The following MAMDC2 variants were observed in gnomAD, a reference collection of about 807,000 sequenced individuals.
MAMDC2 encodes the protein MAM domain containing 2, also known as MAM domain-containing protein 2.
In MAMDC2, 57 loss-of-function variants were observed where a neutral mutation model predicts 89.8. The observed-to-expected ratio is 0.63, with a 90% CI of 0.51 to 0.79. The LOEUF is 0.79. Among genes scored for constraint, MAMDC2 ranks in the 30% least tolerant of loss-of-function variants. The pLI is 0.00. For synonymous variants in MAMDC2, 313 were observed against 293.4 expected, an observed-to-expected ratio of 1.07 and a Z score of -0.68; for missense variants, 800 against 820.6, an observed-to-expected ratio of 0.97 and a Z score of 0.31.
intron 4 of MAMDC2, among the ~76,000 whole-genome samples, chr9:70,111,353 T>C (rs997135418): frequency 6.6e-6 from 1 of 152,256 alleles, no homozygotes; most frequent in African/African-American, 2.4e-5. Flanking sequence ...TGGTGACTTC[T>C]GATTTGTTTA....
chr9:70,095,910 A>G (rs1587465617), intron 2 of MAMDC2, among the ~76,000 whole-genome samples: 1 of 152,208 alleles, frequency 6.6e-6, no homozygotes, highest in Admixed American at 6.5e-5. Flanking sequence ...TCCCACTCAC[A>G]GTGATAATGT....
chr9:70,092,586 G>A (rs1489221113), intron 2 of MAMDC2: 1 of 152,172 alleles, frequency 6.6e-6, no homozygotes, highest in African/African-American at 2.4e-5. Context: ...CCATCCCTGA[G>A]TTCAGACATC....
chr9:70,141,764 G>C (rs185550577), intron 8 of MAMDC2, among the ~76,000 whole-genome samples: 1 of 152,224 alleles, frequency 6.6e-6, no homozygotes, highest in Non-Finnish European at 1.5e-5. Context: ...AAGGGTCAGG[G>C]GGCTTAAGTT....
chr9:70,159,298 G>A (rs1039492211), intron 9 of MAMDC2, among the ~76,000 whole-genome samples: 4 of 152,004 alleles, frequency 2.6e-5, no homozygotes, highest in South Asian at 4.1e-4. Flanking sequence ...AGCTATAATC[G>A]TTCATTCCAG....
chr9:70,208,891 T>A (rs1344468543), intron 11 of MAMDC2, among the ~76,000 whole-genome samples: 1 of 151,910 alleles, frequency 6.6e-6, no homozygotes, highest in Non-Finnish European at 1.5e-5. Flanking sequence ...GAGATAATCA[T>A]GTGGTTTTTG....
At chr9:70,117,637 C>A (rs1315638800) in intron 5 of MAMDC2, among the ~76,000 whole-genome samples, 3 of 150,824 alleles carry the variant, frequency 2.0e-5, no homozygotes, top group African/African-American at 7.3e-5. Context: ...AAAAAAAAAA[C>A]AGTCATTAAC....
At chr9:70,121,852 C>T (rs1029100022) in intron 5 of MAMDC2, among the ~76,000 whole-genome samples, 11 of 152,116 alleles carry the variant, frequency 7.2e-5, no homozygotes, top group Admixed American at 2.0e-4. Flanking sequence ...CCAAGAACTC[C>T]AGGCTACCAT....
At chr9:70,161,074 T>C (rs1242515330) in intron 9 of MAMDC2, among the ~76,000 whole-genome samples, 3 of 152,170 alleles carry the variant, frequency 2.0e-5, no homozygotes, top group Admixed American at 6.5e-5. Context: ...TGAGCTGCTA[T>C]CACAGGCTCT....
chr9:70,140,971 C>G (rs1326340784), intron 8 of MAMDC2, among the ~76,000 whole-genome samples: 1 of 152,066 alleles, frequency 6.6e-6, no homozygotes, highest in Non-Finnish European at 1.5e-5. Context: ...TGGAGCCCAA[C>G]CCAGTGGAGA....
chr9:70,060,176 G>C (rs1020974887), intron 2 of MAMDC2, among the ~76,000 whole-genome samples: 1 of 152,156 alleles, frequency 6.6e-6, no homozygotes, highest in African/African-American at 2.4e-5. Flanking sequence ...TATCAACCCT[G>C]TTAAACTCGA....
In MAMDC2 at chr9:70,147,678, CAATT is replaced by C. The variant is rs1436176276; in HGVS notation, c.1404+3861_1404+3864del. Among the ~76,000 whole-genome samples the C allele has an allele frequency of 1.3e-5, 2 of 150,212 alleles. 1 individual carries two copies. Among genetic ancestry groups the C allele is most frequent in the Non-Finnish European group, 3.0e-5 (2 of 67,550 alleles). ...GACTTCCCAAATTCTCCCAGATACA[CAATT>C]ACTGAACTTTCACATTGTTATGGCG... is the stretch of plus-strand genomic sequence containing the variant. On this transcript the variant is annotated intron_variant, in intron 9 of 13. Transcript: ENST00000377182.
intron 8 of MAMDC2, among the ~76,000 whole-genome samples, chr9:70,142,077 C>A (rs1164950016): frequency 1.3e-5 from 2 of 152,138 alleles, no homozygotes; most frequent in African/African-American, 2.4e-5. Context: ...TTTGGGGTGG[C>A]ATGTTCTGAT....
At chr9:70,220,673 G>A (rs1395014851) in intron 12 of MAMDC2, among the ~76,000 whole-genome samples, 1 of 152,212 alleles carries the variant, frequency 6.6e-6, no homozygotes, top group Non-Finnish European at 1.5e-5. Context: ...GTGGCTGAAT[G>A]AGAACCAGAT....
chr9:70,189,399 A>T (rs544490476), intron 11 of MAMDC2, among the ~76,000 whole-genome samples: 1 of 152,222 alleles, frequency 6.6e-6, no homozygotes, highest in African/African-American at 2.4e-5. Flanking sequence ...GTTAGCTGTT[A>T]ATCTTATTGA....
At chr9:70,179,523 CA>C (rs745526034) in intron 11 of MAMDC2, among the ~76,000 whole-genome samples, 5 of 90,890 alleles carry the variant, frequency 5.5e-5, no homozygotes, top group Admixed American at 1.3e-4. Context: ...GACTCCGTCT[CA>C]AAAAAAATAA....
intron 2 of MAMDC2, among the ~76,000 whole-genome samples, chr9:70,096,362 A>G (rs1471927677): frequency 1.3e-5 from 2 of 152,174 alleles, no homozygotes; most frequent in African/African-American, 2.4e-5. Context: ...GCTAACTAAG[A>G]TGAATTCTTC....
intron 2 of MAMDC2, among the ~76,000 whole-genome samples, chr9:70,075,778 G>C (rs1482628486): frequency 1.3e-5 from 2 of 152,162 alleles, no homozygotes; most frequent in African/African-American, 4.8e-5. Flanking sequence ...ATTGACACCA[G>C]CAAAATATTG....
At chr9:70,119,794 G>A (rs1048085873) in intron 5 of MAMDC2, among the ~76,000 whole-genome samples, 1 of 152,162 alleles carries the variant, frequency 6.6e-6, no homozygotes, top group African/African-American at 2.4e-5. Context: ...TCAGAGTTGG[G>A]AGGCAATGGG....
intron 2 of MAMDC2, among the ~76,000 whole-genome samples, chr9:70,100,692 T>C (rs960847035): frequency 2.0e-5 from 3 of 152,172 alleles, no homozygotes; most frequent in African/African-American, 7.2e-5. Context: ...GGGAGACTGC[T>C]TAGCATGGCT....
Sources: allele counts gnomAD v4.1 joint callset (sites outside exome capture counted in the v4.1 genomes callset), GRCh38; gene constraint gnomAD v4.1.1; transcripts MANE v1.5; gene names NCBI Gene and HGNC (gene_info 2026-07-23, HGNC 2026-07-21).